Variants in POLN observed in about 807,000 individuals in gnomAD.
POLN encodes DNA polymerase N.
A neutral mutation model predicts 113.5 loss-of-function variants in POLN; 108 were observed. That is an observed-to-expected ratio of 0.95 (90% confidence interval 0.81 to 1.12). POLN has a LOEUF of 1.12. Among genes scored for constraint, POLN ranks in the 50% most tolerant of loss-of-function variants. POLN has a pLI of 0.00. For synonymous variants in POLN, 386 were observed against 391.5 expected (o/e 0.99, Z 0.17); for missense variants, 1,097 against 1,077.1 (o/e 1.02, Z -0.26).
At chr4:2,205,906 T>C (rs1352317196) in intron 5 of POLN, among the ~76,000 whole-genome samples, 3 of 150,320 alleles carry the variant, frequency 2.0e-5, no homozygotes, top group Non-Finnish European at 3.0e-5. Flanking sequence ...TTAAAATTCA[T>C]ATGGAGCAAC....
At chr4:2,090,359 G>C (rs1730637682) in intron 20 of POLN, 1 of 713,934 alleles carries the variant, frequency 1.4e-6, no homozygotes, top group African/African-American at 1.8e-5. Flanking sequence ...TCTCTCATGT[G>C]ATCAAGGCAT....
intron 5 of POLN, among the ~76,000 whole-genome samples, chr4:2,202,092 G>A (rs1233820756): frequency 1.3e-5 from 2 of 151,758 alleles, no homozygotes; most frequent in East Asian, 3.9e-4. Flanking sequence ...CATTTCACAG[G>A]CCCTATAAAG....
intron 16 of POLN, among the ~76,000 whole-genome samples, chr4:2,136,595 T>A (rs1731863807): frequency 6.6e-6 from 1 of 152,210 alleles, no homozygotes; most frequent in South Asian, 2.1e-4. Context: ...TGAGATGACG[T>A]TTTAATTCTA....
chr4:2,081,227 T>C, intron 22 of POLN, 191 bp from the exon 23 acceptor site: 1 of 1,531,118 alleles, frequency 6.5e-7, no homozygotes, highest in South Asian at 1.2e-5. Context: ...CTCTTGCTCC[T>C]GCAGGGCACC....
rs369929423 is a variant in POLN at position 2,217,962 on chromosome 4, C to G, written c.134-4836G>C. On this transcript the variant is annotated intron_variant, in intron 3 of 25. Coordinates refer to ENST00000511885, the MANE Select transcript of POLN (RefSeq NM_181808.4). Reference sequence around the variant, plus strand: ...TGGTTAACCACGTTGCAGGATGACTCGACCAGTTAACATCTTCATTCTTAA... The same window carrying G: ...TGGTTAACCACGTTGCAGGATGACTGGACCAGTTAACATCTTCATTCTTAA... 3.9e-5 allele frequency among the ~76,000 whole-genome samples: 6 copies of G among 152,318 alleles called. No individual in the cohort carries two copies. In the South Asian group the frequency reaches 1.0e-3, roughly 26 times the overall value.
chr4:2,144,749 C>T (rs1347013963), intron 16 of POLN, among the ~76,000 whole-genome samples: 1 of 152,118 alleles, frequency 6.6e-6, no homozygotes, highest in African/African-American at 2.4e-5. Context: ...CTCTTTCCTT[C>T]AATAACATTT....
At chr4:2,144,288 G>A (rs938116807) in intron 16 of POLN, among the ~76,000 whole-genome samples, 1 of 151,680 alleles carries the variant, frequency 6.6e-6, no homozygotes, top group African/African-American at 2.4e-5. Context: ...GGGACTACAG[G>A]CACGTGCCAC....
chr4:2,237,059 C>A (rs1734792046), intron 2 of POLN, among the ~76,000 whole-genome samples: 1 of 151,994 alleles, frequency 6.6e-6, no homozygotes, highest in African/African-American at 2.4e-5. Flanking sequence ...AGATATAAAA[C>A]TCTTCTTAAC....
chr4:2,089,449 A>C (rs1167036683), intron 20 of POLN: 1 of 1,411,036 alleles, frequency 7.1e-7, no homozygotes, highest in East Asian at 2.5e-5. Flanking sequence ...GCACTGGCTT[A>C]TATTGTTTTC....
intron 25 of POLN, 87 bp downstream of exon 25, chr4:2,072,881 C>CTTTGGCCTGGCTCT: frequency 1.4e-6 from 2 of 1,430,708 alleles, no homozygotes; most frequent in Non-Finnish European, 2.0e-6. Context: ...GGGCTGCACC[C>CTTTGGCCTGGCTCT]TTTGGCCTGG....
chr4:2,072,845 G>T, intron 25 of POLN, 123 bp downstream of exon 25: 1 of 998,390 alleles, frequency 1.0e-6, no homozygotes, highest in Non-Finnish European at 1.5e-6. Flanking sequence ...GGCTGTGCCT[G>T]CTGTGGAGTG....
chr4:2,097,465 C>T (rs1730822454), intron 19 of POLN, among the ~76,000 whole-genome samples: 1 of 152,000 alleles, frequency 6.6e-6, no homozygotes, highest in Non-Finnish European at 1.5e-5. Context: ...ATTCTCCTGT[C>T]TCAGCCTCCT....
chr4:2,078,696 A>C (rs774267696), intron 23 of POLN: 61 of 985,362 alleles, frequency 6.2e-5, no homozygotes, highest in Non-Finnish European at 7.1e-5. Context: ...CACGTTCACA[A>C]AACACAGACC....
At chr4:2,130,359 T>C (rs1331780027) in intron 17 of POLN, among the ~76,000 whole-genome samples, 1 of 151,864 alleles carries the variant, frequency 6.6e-6, no homozygotes, top group Non-Finnish European at 1.5e-5. Flanking sequence ...GGCTTCATTG[T>C]TTTGCCAGGA....
chr4:2,136,045 T>C (rs1252115474), intron 16 of POLN, among the ~76,000 whole-genome samples: 1 of 152,176 alleles, frequency 6.6e-6, no homozygotes, highest in Non-Finnish European at 1.5e-5. Context: ...TTGGAGTCAA[T>C]CATGTTATTT....
At chr4:2,157,720 C>A (rs1407366863) in intron 15 of POLN, 138 bp downstream of exon 15, 6 of 302,708 alleles carry the variant, frequency 2.0e-5, no homozygotes, top group East Asian at 6.8e-5. Flanking sequence ...AAGACTCTGT[C>A]TCAAAAAAAA....
At chr4:2,228,424 C>T (rs1309683106) in intron 3 of POLN, 6 of 261,262 alleles carry the variant, frequency 2.3e-5, no homozygotes, top group Non-Finnish European at 3.8e-5. Context: ...CTGCAAGCCC[C>T]GCCTCCTGGG....
chr4:2,230,479 A>C (rs1377973927), intron 2 of POLN: 4 of 152,200 alleles, frequency 2.6e-5, no homozygotes, highest in African/African-American at 9.7e-5. Flanking sequence ...ACAACAAAAA[A>C]AAAGTTGCTC....
intron 16 of POLN, among the ~76,000 whole-genome samples, chr4:2,148,590 C>G (rs1732207896): frequency 6.6e-6 from 1 of 151,998 alleles, no homozygotes; most frequent in Non-Finnish European, 1.5e-5. Context: ...TTGCTTGAAC[C>G]CAGGAGGCGG....
Sources: gnomAD v4.1 joint callset for allele counts (sites outside exome capture counted in the v4.1 genomes callset) on GRCh38, gnomAD v4.1.1 for gene constraint, MANE v1.5 for transcripts, NCBI Gene and HGNC (gene_info 2026-07-23, HGNC 2026-07-21) for gene names.